The following LRRC9 variants were observed in gnomAD, a reference collection of about 807,000 sequenced individuals.
LRRC9 encodes leucine-rich repeat-containing protein 9.
A neutral mutation model predicts 63.2 loss-of-function variants in LRRC9; 122 were observed. That is an observed-to-expected ratio of 1.93 (90% CI 1.67 to 2.24). LRRC9 has a LOEUF of 2.24. Ranked by LOEUF, LRRC9 falls within the 30% of genes most tolerant of loss-of-function variation. The pLI is 0.00. For missense variants in LRRC9, 1,071 were observed against 627.7 expected (o/e 1.71, Z -7.55); for synonymous variants, 366 against 213.1 (o/e 1.72, Z -6.25).
rs1385341024 is a variant in LRRC9, at chr14:59,932,524, A to G, written c.543+485A>G. Among the ~76,000 whole-genome samples, 1 of 152,106 alleles carries G rather than the reference A, an allele frequency of 6.6e-6. No individual in the cohort carries two copies. The highest frequency in any genetic ancestry group is 1.5e-5 in the Non-Finnish European group (1 of 68,000). On this transcript the variant is annotated intron_variant, in intron 6 of 31. Coordinates refer to ENST00000445360, the Ensembl canonical transcript of LRRC9. The surrounding 1 kb of genome is among the most constrained non-coding windows in gnomAD (Gnocchi z 4.7). The stretch of plus-strand genomic sequence containing the variant: ...AATGCAAACTAATTTTTCCTCTACC[A>G]GGCCTTCTCCTGCAGTCTTCCTCAC...
intron 21 of LRRC9, among the ~76,000 whole-genome samples, chr14:60,005,183 A>G (rs1420496101): frequency 1.3e-5 from 2 of 152,094 alleles, no homozygotes; most frequent in Admixed American, 1.3e-4. Context: ...TGTTAACAAT[A>G]TGTTTCTAAA....
Position 60,053,098 on chromosome 14 carries a change from A to G in LRRC9, c.4024A>G (p.Ile1342Val). Residue 1342 changes from isoleucine (I) to valine (V), a missense_variant, in exon 30 of 32, where the codon ATA becomes GTA. Coordinates refer to ENST00000445360, the Ensembl canonical transcript of LRRC9. The surrounding 1 kb of genome is among the most constrained non-coding windows in gnomAD (Gnocchi z 4.8). The stretch of plus-strand genomic sequence containing the variant: ...AAAAATGCTACATCGCCACATGCTT[A>G]TATTTCGACTGCCTAACTTACAGAT... The G allele has an allele frequency of 1.4e-6, 1 of 701,260 alleles. No homozygotes were observed. The highest frequency in any genetic ancestry group is 2.7e-5 in the East Asian group (1 of 37,236). The allele number at this position is 701,260 out of a possible 1,614,324, so 43.4% of individuals were successfully genotyped here. A position where few individuals can be genotyped will look rare whatever the true frequency, so the allele number is the denominator to read the frequency against.
intron 27 of LRRC9, among the ~76,000 whole-genome samples, chr14:60,026,903 A>C (rs1436284380): frequency 6.6e-6 from 1 of 151,930 alleles, no homozygotes; most frequent in African/African-American, 2.4e-5. Context: ...AGCCATATTA[A>C]ATTAATGCTC....
intron 17 of LRRC9, among the ~76,000 whole-genome samples, chr14:59,992,307 T>A (rs1257122342): frequency 3.9e-5 from 6 of 152,074 alleles, no homozygotes; most frequent in Non-Finnish European, 5.9e-5. Context: ...CAAAACCCCA[T>A]CTGTACGTCA....
intron 8 of LRRC9, among the ~76,000 whole-genome samples, chr14:59,956,550 C>T (rs150929759): frequency 2.6e-5 from 4 of 152,116 alleles, no homozygotes. Flanking sequence ...TGAGAGGGGT[C>T]TCCTGAATAC....
chr14:59,995,691 T>TC (rs754728480), intron 17 of LRRC9, among the ~76,000 whole-genome samples: 3 of 151,448 alleles, frequency 2.0e-5, no homozygotes, highest in South Asian at 2.1e-4. Flanking sequence ...AAATAAAGAT[T>TC]CCCCCCCTGT....
chr14:59,995,310 T>C (rs979005360), intron 17 of LRRC9, among the ~76,000 whole-genome samples: 1 of 152,202 alleles, frequency 6.6e-6, no homozygotes, highest in Non-Finnish European at 1.5e-5. Flanking sequence ...CCATAATTAG[T>C]GTTGACTAGG....
chr14:59,988,020 C>A (rs1237967176), intron 17 of LRRC9, among the ~76,000 whole-genome samples: 1 of 152,144 alleles, frequency 6.6e-6, no homozygotes, highest in Non-Finnish European at 1.5e-5. Flanking sequence ...TATATTCAAT[C>A]CATTGTAATT....
chr14:60,064,298 G>A (rs1894823334), downstream of LRRC9, among the ~76,000 whole-genome samples: 1 of 152,082 alleles, frequency 6.6e-6, no homozygotes, highest in Non-Finnish European at 1.5e-5. Flanking sequence ...ATCATATTTT[G>A]ATATAAATGA....
At chr14:60,044,844 C>T (rs569649079) in intron 29 of LRRC9, among the ~76,000 whole-genome samples, 4 of 152,128 alleles carry the variant, frequency 2.6e-5, no homozygotes, top group East Asian at 1.9e-4. Flanking sequence ...TCTTTATTAA[C>T]GTTCTGTCTG....
At chr14:59,985,348 G>A (rs1887349426) in intron 17 of LRRC9, 124 bp downstream of exon 17, 5 of 468,308 alleles carry the variant, frequency 1.1e-5, no homozygotes, top group Non-Finnish European at 1.9e-5. Flanking sequence ...TAAACTTTCA[G>A]TTATAAATTA....
chr14:59,934,045 T>C (rs556123886), intron 6 of LRRC9, among the ~76,000 whole-genome samples: 7 of 152,044 alleles, frequency 4.6e-5, no homozygotes, highest in South Asian at 4.2e-4. Flanking sequence ...TGTTTATTGA[T>C]TTGGAACAGC....
At chr14:59,992,631 A>C (rs1888276594) in intron 17 of LRRC9, among the ~76,000 whole-genome samples, 1 of 152,260 alleles carries the variant, frequency 6.6e-6, no homozygotes, top group Non-Finnish European at 1.5e-5. Flanking sequence ...GATGGAGCTG[A>C]AAACCAAGGC....
Position 60,031,566 on chromosome 14 carries a change from A to G in LRRC9, c.3922-429A>G, listed in dbSNP as rs1287839925. Among the ~76,000 whole-genome samples the G allele has an allele frequency of 2.0e-5, 3 of 152,080 alleles. No homozygotes were observed. Among genetic ancestry groups the G allele is most frequent in the South Asian group, 2.1e-4 (1 of 4,832 alleles). ...TTCCCAGCAAGTACATCAAGACGCA[A>G]TCCACTCAATATTACACATTCCTTT... On this transcript the variant is annotated intron_variant, in intron 28 of 31. Coordinates refer to ENST00000445360, the Ensembl canonical transcript of LRRC9. The surrounding 1 kb of genome is among the most constrained non-coding windows in gnomAD (Gnocchi z 4.6).
chr14:60,057,346 G>T (rs1247070057), intron 30 of LRRC9, among the ~76,000 whole-genome samples: 1 of 152,076 alleles, frequency 6.6e-6, no homozygotes, highest in Middle Eastern at 3.2e-3. Context: ...ACTATTTAGA[G>T]AGTTTTACTA....
chr14:59,940,821 G>A (rs1881680042), intron 7 of LRRC9, among the ~76,000 whole-genome samples: 1 of 151,970 alleles, frequency 6.6e-6, no homozygotes, highest in Admixed American at 6.6e-5. Context: ...TTTTGTCTTA[G>A]TACAAACATG....
At chr14:59,952,044 G>A (rs1177184910) in intron 8 of LRRC9, among the ~76,000 whole-genome samples, 28 of 151,012 alleles carry the variant, frequency 1.9e-4, no homozygotes, top group South Asian at 4.2e-4. Context: ...CGAGCTTCCC[G>A]GCTGCTTTGT....
At chr14:59,991,779 G>A (rs977730278) in intron 17 of LRRC9, among the ~76,000 whole-genome samples, 15 of 149,058 alleles carry the variant, frequency 1.0e-4, no homozygotes, top group African/African-American at 2.9e-4. Flanking sequence ...AGGGGTGCCC[G>A]CCATTGCCCA....
At position 60,002,804 on chromosome 14, in the gene LRRC9, TATTCTGATAACATGTCAGAATAGGCAAG is replaced by T. The variant is rs916377230; in HGVS notation, c.2664+729_2664+756del. ...AATTTAAAGGGCCATTCTAATTCCG[TATTCTGATAACATGTCAGAATAGGCAAG>T]ATTCTGATAACATGTCAGAATAGGA... On this transcript the variant is annotated intron_variant, in intron 20 of 31. Transcript: ENST00000445360. Among the ~76,000 whole-genome samples, 13 of 152,284 alleles carry T rather than the reference TATTCTGATAACATGTCAGAATAGGCAAG, an allele frequency of 8.5e-5. No individual in the cohort carries two copies. The East Asian group carries it at 2.1e-3, about 25-fold the overall frequency.
Sources: gnomAD v4.1 joint callset for allele counts (sites outside exome capture counted in the v4.1 genomes callset) on GRCh38, gnomAD v4.1.1 for gene constraint, Gnocchi (gnomAD v3.1) non-coding constraint, MANE v1.5 for transcripts, NCBI Gene and HGNC (gene_info 2026-07-23, HGNC 2026-07-21) for gene names.